FGF14: variants seen among roughly 807,000 people sequenced by gnomAD.
FGF14 encodes the protein fibroblast growth factor homologous factor 4.
In FGF14, 5 loss-of-function variants were observed where a neutral mutation model predicts 25.5. That is an observed-to-expected ratio of 0.20 (90% CI 0.10 to 0.41). FGF14 has a LOEUF of 0.41. FGF14 is among the 10% of genes least tolerant of loss of function. The pLI is 1.00. For synonymous variants in FGF14, 138 were observed against 118.3 expected (o/e 1.17, Z -1.08); for missense variants, 222 against 320.1 (o/e 0.69, Z 2.34).
chr13:102,132,876 C>G (rs1309650239), intron 1 of FGF14, among the ~76,000 whole-genome samples: 1 of 152,234 alleles, frequency 6.6e-6, no homozygotes, highest in East Asian at 1.9e-4. Context: ...TAATTAAATC[C>G]AAAAGTGAGC....
At chr13:101,742,809 G>A (rs767281648) in intron 3 of FGF14, among the ~76,000 whole-genome samples, 2 of 151,980 alleles carry the variant, frequency 1.3e-5, no homozygotes, top group Non-Finnish European at 2.9e-5. Flanking sequence ...TACCTCCCTC[G>A]CAATTTGTCC....
intron 1 of FGF14, among the ~76,000 whole-genome samples, chr13:102,021,424 A>G (rs756237078): frequency 2.6e-5 from 4 of 151,772 alleles, no homozygotes; most frequent in African/African-American, 4.8e-5. Flanking sequence ...GGGAAATGTG[A>G]TAAGAGGAGA....
chr13:101,914,864 G>A (rs779034777), intron 1 of FGF14, among the ~76,000 whole-genome samples: 19 of 152,140 alleles, frequency 1.2e-4, no homozygotes, highest in Non-Finnish European at 2.6e-4. Context: ...AAGATAGTCT[G>A]TTTGATGACA....
At chr13:101,810,655 G>A (rs2041453824) in intron 3 of FGF14, among the ~76,000 whole-genome samples, 1 of 152,088 alleles carries the variant, frequency 6.6e-6, no homozygotes, top group Non-Finnish European at 1.5e-5. Flanking sequence ...CCTCATCTTT[G>A]CATTCTAAAC....
chr13:102,019,759 T>C (rs2040537025), intron 1 of FGF14, among the ~76,000 whole-genome samples: 1 of 152,168 alleles, frequency 6.6e-6, no homozygotes, highest in Non-Finnish European at 1.5e-5. Context: ...TATGTTCCAT[T>C]GCTTGTTTAT....
At chr13:102,121,094 C>G (rs1429247725) in intron 1 of FGF14, among the ~76,000 whole-genome samples, 1 of 152,162 alleles carries the variant, frequency 6.6e-6, no homozygotes, top group Admixed American at 6.5e-5. Context: ...GATCAGATTC[C>G]AAATCGTTAG....
At chr13:101,873,247 C>A (rs1223083692) in intron 2 of FGF14, among the ~76,000 whole-genome samples, 1 of 151,968 alleles carries the variant, frequency 6.6e-6, no homozygotes, top group East Asian at 1.9e-4. Flanking sequence ...ATATTGATTC[C>A]TATCATTAAA....
intron 1 of FGF14, among the ~76,000 whole-genome samples, chr13:102,189,458 T>C (rs1037210053): frequency 1.6e-4 from 24 of 151,756 alleles, no homozygotes; most frequent in African/African-American, 5.8e-4. Flanking sequence ...GGAATTAGAG[T>C]GTTGATATGA....
At chr13:101,993,851 C>T (rs1225862681) in intron 1 of FGF14, among the ~76,000 whole-genome samples, 2 of 151,920 alleles carry the variant, frequency 1.3e-5, no homozygotes, top group African/African-American at 2.4e-5. Flanking sequence ...AGCACACCAA[C>T]ATGGCACATG....
intron 1 of FGF14, among the ~76,000 whole-genome samples, chr13:102,046,801 A>G (rs1341134489): frequency 6.6e-6 from 1 of 152,196 alleles, no homozygotes; most frequent in East Asian, 1.9e-4. Flanking sequence ...ATGTAAATAA[A>G]TGCATTTGCT....
At chr13:101,748,259 A>G (rs1374737939) in intron 3 of FGF14, among the ~76,000 whole-genome samples, 1 of 152,020 alleles carries the variant, frequency 6.6e-6, no homozygotes, top group Non-Finnish European at 1.5e-5. Flanking sequence ...AAGATGTTAC[A>G]TATATATGTA....
intron 1 of FGF14, among the ~76,000 whole-genome samples, chr13:102,080,250 G>C (rs181503696): frequency 6.6e-6 from 1 of 152,134 alleles, no homozygotes. Flanking sequence ...AGAAGACGAC[G>C]ATGACTTGGG....
intron 1 of FGF14, among the ~76,000 whole-genome samples, chr13:102,048,011 A>T (rs2140037362): frequency 6.7e-6 from 1 of 150,160 alleles, no homozygotes; most frequent in Admixed American, 6.6e-5. Flanking sequence ...TTATTATCTT[A>T]GTTGTTTAAA....
intron 1 of FGF14, among the ~76,000 whole-genome samples, chr13:102,184,825 TATTA>T (rs764223445): frequency 7.4e-4 from 113 of 152,328 alleles, no homozygotes; most frequent in Non-Finnish European, 1.2e-3. Context: ...TCTTTTGGCC[TATTA>T]ATTCTTCTTA....
rs186941345 is a variant in FGF14 at position 102,131,905 on chromosome 13, A to C, written c.209-256609T>G. On this transcript the variant is annotated intron_variant, in intron 1 of 4. Coordinates refer to the FGF14 transcript ENST00000376131. ...TCGAAATAGCAGAAATAGGAAAGTC[A>C]ATATTACCAACTGTGACTAAAGATA... is the stretch of plus-strand genomic sequence containing the variant. Among the ~76,000 whole-genome samples, 19 of 152,354 alleles carry C rather than the reference A, an allele frequency of 1.2e-4. 1 individual carries two copies. Among genetic ancestry groups the C allele is most frequent in the Admixed American group, 2.0e-4 (3 of 15,300 alleles).
intron 1 of FGF14, among the ~76,000 whole-genome samples, chr13:102,288,382 A>G (rs2054210353): frequency 6.6e-6 from 1 of 152,160 alleles, no homozygotes; most frequent in Admixed American, 6.5e-5. Context: ...TTACTATTCC[A>G]TAATAATATT....
At chr13:101,951,812 G>C (rs2036184614) in intron 1 of FGF14, among the ~76,000 whole-genome samples, 1 of 152,010 alleles carries the variant, frequency 6.6e-6, no homozygotes, top group Admixed American at 6.6e-5. Flanking sequence ...TCATTCTTAT[G>C]GTTAATAATA....
At chr13:102,278,598 G>A (rs1038332594) in intron 1 of FGF14, among the ~76,000 whole-genome samples, 3 of 149,458 alleles carry the variant, frequency 2.0e-5, no homozygotes, top group African/African-American at 7.4e-5. Flanking sequence ...TGTAAGCAAT[G>A]TAAGTGTCAC....
chr13:102,255,287 C>G (rs960563874), intron 1 of FGF14, among the ~76,000 whole-genome samples: 1 of 152,162 alleles, frequency 6.6e-6, no homozygotes, highest in Non-Finnish European at 1.5e-5. Flanking sequence ...AACCATCTTT[C>G]GGTATCAAGT....
Sources: allele counts gnomAD v4.1 joint callset (sites outside exome capture counted in the v4.1 genomes callset), GRCh38; gene constraint gnomAD v4.1.1; transcripts MANE v1.5; gene names NCBI Gene and HGNC (gene_info 2026-07-23, HGNC 2026-07-21).